The following MALRD1 variants were observed in gnomAD, a reference collection of about 807,000 sequenced individuals.
MALRD1 encodes MAM and LDL-receptor class A domain-containing protein 1.
MALRD1 carries 247 observed loss-of-function variants against 242.1 expected under a neutral mutation model. That is an observed-to-expected ratio of 1.02 (90% CI 0.92 to 1.13). The LOEUF (loss-of-function observed/expected upper bound fraction) is 1.13, where lower values mean the gene tolerates loss of function less well. Among genes scored for constraint, MALRD1 ranks in the 50% most tolerant of loss-of-function variants. The pLI is 0.00. For missense variants in MALRD1, 2,989 were observed against 2,533.1 expected (o/e 1.18, Z -3.86); for synonymous variants, 995 against 866.6 (o/e 1.15, Z -2.60).
intron 28 of MALRD1, among the ~76,000 whole-genome samples, chr10:19,393,576 G>A (rs1287535447): frequency 6.7e-6 from 1 of 149,238 alleles, no homozygotes; most frequent in East Asian, 2.0e-4. Context: ...CTCCCAAGTA[G>A]CTGGGACTAC....
intron 19 of MALRD1, among the ~76,000 whole-genome samples, chr10:19,259,579 C>A (rs1250240712): frequency 6.6e-6 from 1 of 152,094 alleles, no homozygotes; most frequent in Non-Finnish European, 1.5e-5. Flanking sequence ...GTAGGAAAGA[C>A]CCGCCCCCGT....
rs1246400082 is a variant in MALRD1 at position 19,348,154 on chromosome 10, G to A, written c.4149+136G>A. On this transcript the variant is annotated intron_variant, in intron 25 of 39. Transcript: ENST00000454679. ...TGAATTTATTCAACTTTGGATATGT[G>A]AAGGGGGGAAAAAATGAAGTTCAGA... 2.5e-6 allele frequency: 3 copies of A among 1,204,762 alleles called. No homozygotes were observed. The African/African-American group carries it at 4.6e-5, about 19-fold the overall frequency. 74.6% of individuals were successfully genotyped at this position (1,204,762 alleles called of 1,614,324 possible). A position where few individuals can be genotyped will look rare whatever the true frequency, so the allele number is the denominator to read the frequency against.
chr10:19,533,078 A>C (rs1333973951), intron 32 of MALRD1, among the ~76,000 whole-genome samples: 1 of 152,184 alleles, frequency 6.6e-6, no homozygotes, highest in African/African-American at 2.4e-5. Flanking sequence ...AGACCTTTCC[A>C]TATAATGTAG....
At chr10:19,094,753 T>C (rs1835960158) in intron 4 of MALRD1, among the ~76,000 whole-genome samples, 1 of 152,362 alleles carries the variant, frequency 6.6e-6, no homozygotes, top group African/African-American at 2.4e-5. Flanking sequence ...ATAATTGTCA[T>C]ATTCATTTCA....
At chr10:19,130,513 T>C (rs1055053872) in intron 8 of MALRD1, among the ~76,000 whole-genome samples, 1 of 152,180 alleles carries the variant, frequency 6.6e-6, no homozygotes, top group Non-Finnish European at 1.5e-5. Flanking sequence ...AATTATTTCA[T>C]GAAAATTGAA....
At position 19,599,033 on chromosome 10, in the gene MALRD1, G is replaced by A. The variant is rs1838234628; in HGVS notation, c.5944+3576G>A. Among the ~76,000 whole-genome samples the A allele has an allele frequency of 4.6e-5, 7 of 152,142 alleles. 1 individual carries two copies. Among genetic ancestry groups the A allele is most frequent in the Admixed American group, 4.6e-4 (7 of 15,260 alleles). On this transcript the variant is annotated intron_variant, in intron 34 of 39. Transcript: ENST00000454679. ...GGATTTTGGAGAGAGAACTTTTTACGGAGTAGGAGGGCAGAATTCTGAAGC... is the reference window on the plus strand; with the variant it reads ...GGATTTTGGAGAGAGAACTTTTTACAGAGTAGGAGGGCAGAATTCTGAAGC...
rs142528506 is a variant in MALRD1, at chr10:19,580,321, C to T, written c.5680+12618C>T. Among the ~76,000 whole-genome samples, 63 of 152,164 alleles carry T rather than the reference C, an allele frequency of 4.1e-4. No homozygotes were observed. The East Asian group carries it at 7.5e-3, about 18-fold the overall frequency. ...GGCAAATATTGATATTGGGTAAAAG[C>T]GATAACTCTTTTGGGGCCTCTTAAG... On this transcript the variant is annotated intron_variant, in intron 33 of 39. Transcript: ENST00000454679.
intron 33 of MALRD1, among the ~76,000 whole-genome samples, chr10:19,591,496 A>AG (rs1491397772): frequency 9.4e-6 from 1 of 106,262 alleles, no homozygotes; most frequent in Non-Finnish European, 2.0e-5. Context: ...CTTTTATTTT[A>AG]GTTTTTTTTT....
intron 24 of MALRD1, 28 bp from the exon 25 acceptor site, chr10:19,347,743 G>T (rs1844195334): frequency 6.5e-7 from 1 of 1,547,332 alleles, no homozygotes; most frequent in Non-Finnish European, 8.7e-7. Context: ...TCCATTTTCT[G>T]TAACATATAT....
chr10:19,276,785 G>A (rs933747072), intron 19 of MALRD1, among the ~76,000 whole-genome samples: 12 of 152,038 alleles, frequency 7.9e-5, no homozygotes, highest in Admixed American at 3.9e-4. Flanking sequence ...ATATCCAACT[G>A]GATGTGAGAT....
chr10:19,636,606 A>G lies in MALRD1; in HGVS notation c.6137+20683A>G, dbSNP rs114196983. Among the ~76,000 whole-genome samples, 1,413 of 152,296 alleles carry G rather than the reference A, an allele frequency of 9.3e-3. 20 individuals are homozygous for G. Among genetic ancestry groups the G allele is most frequent in the African/African-American group, 0.032 (1,324 of 41,566 alleles). ...ATTTCTAGGGTTGAAATGTATTTCA[A>G]CCAGTACAGTGGCCCAGTACAGTGG... On this transcript the variant is annotated intron_variant, in intron 36 of 39. Coordinates refer to ENST00000454679, the MANE Select transcript of MALRD1 (RefSeq NM_001142308.3).
intron 14 of MALRD1, among the ~76,000 whole-genome samples, chr10:19,175,605 T>A (rs1168935520): frequency 6.6e-6 from 1 of 151,096 alleles, no homozygotes; most frequent in African/African-American, 2.4e-5. Context: ...TATGAAAAAA[T>A]TATAATTATC....
intron 38 of MALRD1, among the ~76,000 whole-genome samples, chr10:19,713,874 G>A (rs1436017980): frequency 6.6e-6 from 1 of 152,224 alleles, no homozygotes; most frequent in Non-Finnish European, 1.5e-5. Flanking sequence ...TAAGAAAAAT[G>A]TTGAAATGGG....
intron 21 of MALRD1, among the ~76,000 whole-genome samples, chr10:19,306,237 C>CTATATATACTATACTATAGTATAG (rs1842188962): frequency 1.5e-5 from 2 of 131,326 alleles, no homozygotes; most frequent in African/African-American, 2.8e-5. Context: ...ATATACTATA[C>CTATATATACTATACTATAGTATAG]TATATATACT....
At chr10:19,634,933 G>A (rs997491197) in intron 36 of MALRD1, among the ~76,000 whole-genome samples, 7 of 152,132 alleles carry the variant, frequency 4.6e-5, no homozygotes, top group African/African-American at 1.7e-4. Context: ...AACTGGATGT[G>A]CAAGCAACAT....
At chr10:19,063,600 T>TA (rs1351863278) in intron 1 of MALRD1, among the ~76,000 whole-genome samples, 7 of 151,298 alleles carry the variant, frequency 4.6e-5, no homozygotes, top group African/African-American at 1.7e-4. Context: ...TCCATGTCCC[T>TA]ACAAAGGACA....
chr10:19,720,092 A>G (rs1423229854), intron 38 of MALRD1, among the ~76,000 whole-genome samples: 1 of 152,170 alleles, frequency 6.6e-6, no homozygotes, highest in Non-Finnish European at 1.5e-5. Flanking sequence ...GTTACACTGC[A>G]ATGATGTAAA....
chr10:19,194,448 C>T (rs911685705), intron 14 of MALRD1, among the ~76,000 whole-genome samples: 2 of 152,134 alleles, frequency 1.3e-5, no homozygotes, highest in African/African-American at 2.4e-5. Flanking sequence ...TTTAGTGCTA[C>T]TCAGGCAGCC....
chr10:19,585,478 T>C (rs369646217), intron 33 of MALRD1, among the ~76,000 whole-genome samples: 2 of 151,772 alleles, frequency 1.3e-5, no homozygotes, highest in African/African-American at 2.4e-5. Context: ...TTCTCCTTCA[T>C]TTATGAAGCT....
Sources: allele counts gnomAD v4.1 joint callset (sites outside exome capture counted in the v4.1 genomes callset), GRCh38; gene constraint gnomAD v4.1.1; transcripts MANE v1.5; gene names NCBI Gene and HGNC (gene_info 2026-07-23, HGNC 2026-07-21).